The following DGKB variants were observed in gnomAD, a reference collection of about 807,000 sequenced individuals.
The protein encoded by DGKB is 90 kDa diacylglycerol kinase.
Under a neutral mutation model 114.3 loss-of-function variants are expected in DGKB, and 67 were observed. The ratio of observed to expected loss-of-function variants is 0.59; its 90% CI spans 0.48 to 0.72. The LOEUF is 0.72. DGKB is among the 30% of genes least tolerant of loss of function. The pLI is 0.00. For missense variants in DGKB, 907 were observed against 975.2 expected (o/e 0.93, Z 0.93); for synonymous variants, 398 against 323.1 (o/e 1.23, Z -2.49).
At chr7:14,959,777 A>G (rs1786734019) in intron 1 of DGKB, among the ~76,000 whole-genome samples, 1 of 151,740 alleles carries the variant, frequency 6.6e-6, no homozygotes. Context: ...AAAAAAAAAA[A>G]GGCAGTTTTC....
Position 14,616,616 on chromosome 7 carries a change from C to T in DGKB, c.1285-3203G>A, listed in dbSNP as rs544007009. Among the ~76,000 whole-genome samples, 23 of 151,778 alleles carry T rather than the reference C, an allele frequency of 1.5e-4. No homozygotes were observed. In the South Asian group the frequency reaches 3.9e-3, roughly 26 times the overall value. On this transcript the variant is annotated intron_variant, in intron 15 of 25. Transcript: ENST00000402815. ...TGAAAACTATTCATTCTTTGAAGTA[C>T]ATATATTTATACAGCATTTGAGATC...
intron 23 of DGKB, among the ~76,000 whole-genome samples, chr7:14,332,400 T>C (rs1159954127): frequency 4.0e-5 from 6 of 151,494 alleles, no homozygotes; most frequent in Non-Finnish European, 5.9e-5. Context: ...GTGGAATGTG[T>C]AGGAGTGATT....
At chr7:14,313,980 C>A (rs1009456647) in intron 23 of DGKB, among the ~76,000 whole-genome samples, 11 of 152,170 alleles carry the variant, frequency 7.2e-5, no homozygotes, top group African/African-American at 2.2e-4. Flanking sequence ...CACCCCTGAC[C>A]CCCGAGCAGT....
At chr7:14,409,007 A>G (rs573793008) in intron 21 of DGKB, among the ~76,000 whole-genome samples, 3 of 152,318 alleles carry the variant, frequency 2.0e-5, no homozygotes, top group South Asian at 4.1e-4. Context: ...GTATTGAAAC[A>G]TACACACACG....
Position 14,145,710 on chromosome 7 carries a change from G to A in DGKB, c.*3421C>T, listed in dbSNP as rs1231450018. Reference sequence around the variant, plus strand: ...CTGACCTTGTGATCTGCCTGCCTCTGTCTCCCAAAGTGCTGGGATTACAGG... The same window carrying A: ...CTGACCTTGTGATCTGCCTGCCTCTATCTCCCAAAGTGCTGGGATTACAGG... On this transcript the variant is annotated 3_prime_UTR_variant, in exon 26 of 26. Transcript: ENST00000402815. The A allele has an allele frequency of 1.3e-5, 2 of 152,164 alleles. No homozygotes were observed. The highest frequency in any genetic ancestry group is 1.9e-4 in the East Asian group (1 of 5,194). 9.4% of individuals were successfully genotyped at this position (152,164 alleles called of 1,614,324 possible).
chr7:14,919,062 GCACACACA>G (rs767285844), intron 1 of DGKB, among the ~76,000 whole-genome samples: 3 of 118,064 alleles, frequency 2.5e-5, no homozygotes, highest in African/African-American at 6.8e-5. Context: ...TCCACCACAC[GCACACACA>G]CACACACACA....
At chr7:14,454,003 G>A (rs866248781) in intron 21 of DGKB, among the ~76,000 whole-genome samples, 4 of 152,068 alleles carry the variant, frequency 2.6e-5, no homozygotes, top group Middle Eastern at 3.4e-3. Context: ...TATTATTTTT[G>A]TATTATATCT....
intron 1 of DGKB, among the ~76,000 whole-genome samples, chr7:14,890,695 G>A (rs922204886): frequency 6.6e-6 from 1 of 150,598 alleles, no homozygotes; most frequent in African/African-American, 2.4e-5. Context: ...AAAATACACC[G>A]GCTAATCACC....
At chr7:14,852,487 C>CAAAAAAAAAAAAACAAAAAAAAAAA in intron 1 of DGKB, among the ~76,000 whole-genome samples, 2 of 63,628 alleles carry the variant, frequency 3.1e-5, no homozygotes, top group East Asian at 5.0e-4. Flanking sequence ...TAGTGAAAGT[C>CAAAAAAAAAAAAACAAAAAAAAAAA]AAAAAAAAAA....
At chr7:14,926,889 G>T (rs1345592935) in intron 1 of DGKB, among the ~76,000 whole-genome samples, 1 of 151,868 alleles carries the variant, frequency 6.6e-6, no homozygotes, top group Non-Finnish European at 1.5e-5. Context: ...GCTGAATGTG[G>T]TTCCCTACAG....
intron 21 of DGKB, among the ~76,000 whole-genome samples, chr7:14,388,402 G>C (rs1040596541): frequency 1.9e-4 from 28 of 147,662 alleles, no homozygotes; most frequent in African/African-American, 6.9e-4. Context: ...AAATATATAT[G>C]TATGTAGATG....
intron 16 of DGKB, among the ~76,000 whole-genome samples, chr7:14,610,156 G>A (rs1392300038): frequency 6.6e-6 from 1 of 152,060 alleles, no homozygotes; most frequent in Non-Finnish European, 1.5e-5. Flanking sequence ...TAAAGAAAAT[G>A]CGGTACATAT....
chr7:14,269,885 C>T (rs7783001), intron 23 of DGKB, among the ~76,000 whole-genome samples: 3,153 of 151,702 alleles, frequency 0.021, 48 homozygotes, highest in African/African-American at 0.045. Flanking sequence ...AAATATGTGG[C>T]AAATATTCAA....
chr7:14,348,918 G>T (rs1812944677), intron 21 of DGKB, among the ~76,000 whole-genome samples: 1 of 151,888 alleles, frequency 6.6e-6, no homozygotes, highest in Non-Finnish European at 1.5e-5. Flanking sequence ...AACAAGTGTG[G>T]TAGGGTCTGT....
At chr7:14,542,733 T>A (rs1037975541) in intron 20 of DGKB, among the ~76,000 whole-genome samples, 5 of 152,176 alleles carry the variant, frequency 3.3e-5, no homozygotes, top group Non-Finnish European at 7.3e-5. Flanking sequence ...TGCCTGAGAT[T>A]TTTAACCATG....
intron 15 of DGKB, among the ~76,000 whole-genome samples, chr7:14,618,767 A>G (rs1807037546): frequency 6.6e-6 from 1 of 151,548 alleles, no homozygotes; most frequent in African/African-American, 2.4e-5. Context: ...GTTAGCTGGA[A>G]AGAAATAAGA....
At chr7:14,589,696 T>G (rs941723030) in intron 17 of DGKB, among the ~76,000 whole-genome samples, 1 of 152,014 alleles carries the variant, frequency 6.6e-6, no homozygotes, top group African/African-American at 2.4e-5. Context: ...GAATAAACAT[T>G]TATATATTTC....
intron 23 of DGKB, among the ~76,000 whole-genome samples, chr7:14,192,789 T>C (rs1382980471): frequency 6.6e-6 from 1 of 151,998 alleles, no homozygotes; most frequent in African/African-American, 2.4e-5. Flanking sequence ...TGTATTACAA[T>C]GTAATAATAC....
intron 6 of DGKB, among the ~76,000 whole-genome samples, chr7:14,708,755 T>A (rs1585860416): frequency 1.3e-5 from 2 of 150,786 alleles, no homozygotes; most frequent in South Asian, 4.2e-4. Context: ...GAAAACTGGC[T>A]AGCCATACGT....
Sources: gnomAD v4.1 joint callset for allele counts (sites outside exome capture counted in the v4.1 genomes callset) on GRCh38, gnomAD v4.1.1 for gene constraint, MANE v1.5 for transcripts, NCBI Gene and HGNC (gene_info 2026-07-23, HGNC 2026-07-21) for gene names.